The following STRBP variants were observed in gnomAD, a reference collection of about 807,000 sequenced individuals.
STRBP encodes the protein spermatid perinuclear RNA-binding protein.
In STRBP, 13 loss-of-function variants were observed where a neutral mutation model predicts 80.1. That is an observed-to-expected ratio of 0.16 (90% confidence interval 0.11 to 0.26). STRBP has a LOEUF of 0.26. STRBP is among the 10% of genes least tolerant of loss of function. The pLI, the probability that STRBP is intolerant of heterozygous loss-of-function variation, is 1.00. For missense variants in STRBP, 485 were observed against 815.2 expected, an observed-to-expected ratio of 0.59 and a Z score of 4.93; for synonymous variants, 284 against 291.2, an observed-to-expected ratio of 0.98 and a Z score of 0.25.
Position 123,158,072 on chromosome 9 carries a change from C to T in STRBP, c.985G>A (p.Asp329Asn). ...AAAGGCTTACTAGATGGAAGGGGGT[C>T]CATCTCCAGCACTTTGTAAATCTGG... is the stretch of plus-strand genomic sequence containing the variant. ...FGQIYKVLEM[D>N]PLPSSKPFQK... Residue 329 changes from aspartate (D) to asparagine (N), a missense_variant, in exon 11 of 19, where the codon GAC (aspartate) becomes AAC (asparagine). Asp to Asn is a conservative substitution (Grantham distance 23). Coordinates refer to ENST00000348403, the MANE Select transcript of STRBP (RefSeq NM_018387.5). 1 of 1,609,790 alleles carries T rather than the reference C, an allele frequency of 6.2e-7. No homozygotes were observed. The highest frequency in any genetic ancestry group is 8.5e-7 in the Non-Finnish European group (1 of 1,178,634).
At chr9:123,184,978 T>C (rs977138934) in intron 2 of STRBP, among the ~76,000 whole-genome samples, 1 of 152,182 alleles carries the variant, frequency 6.6e-6, no homozygotes, top group Non-Finnish European at 1.5e-5. Context: ...TCCTAATCAT[T>C]GTTACTTATT....
At chr9:123,239,659 G>T (rs1446813877) in intron 1 of STRBP, among the ~76,000 whole-genome samples, 1 of 152,144 alleles carries the variant, frequency 6.6e-6, no homozygotes, top group Non-Finnish European at 1.5e-5. Context: ...CTTATAACAG[G>T]AGCAGAGTAA....
At position 123,218,355 on chromosome 9, in the gene STRBP, CT is replaced by C. The variant is rs10689260; in HGVS notation, c.-165+18474del. ...CAGCTTATTTATACATTAAATATGA[CT>C]TTTTTTTTTTTTTTTTTTTTTTTTG... On this transcript the variant is annotated intron_variant, in intron 2 of 18. Coordinates refer to ENST00000348403, the MANE Select transcript of STRBP (RefSeq NM_018387.5). 7.2e-3 allele frequency among the ~76,000 whole-genome samples: 733 copies of C among 102,424 alleles called. 2 individuals carry two copies. The highest frequency in any genetic ancestry group is 0.019 in the African/African-American group (434 of 22,762). 67.2% of individuals were successfully genotyped at this position (102,424 alleles called of 152,430 possible). A position where few individuals can be genotyped will look rare whatever the true frequency, so the allele number is the denominator to read the frequency against.
At chr9:123,155,392 C>T (rs2037238604) in intron 11 of STRBP, among the ~76,000 whole-genome samples, 1 of 152,066 alleles carries the variant, frequency 6.6e-6, no homozygotes, top group Admixed American at 6.6e-5. Flanking sequence ...GGCTGTTCTC[C>T]AACCATGTTG....
chr9:123,150,347 A>G (rs888147096), intron 11 of STRBP, among the ~76,000 whole-genome samples: 1 of 152,170 alleles, frequency 6.6e-6, no homozygotes, highest in Non-Finnish European at 1.5e-5. Flanking sequence ...GCAATTAGAA[A>G]AACTGGGCAA....
chr9:123,163,061 T>C (rs527910967), intron 6 of STRBP, among the ~76,000 whole-genome samples: 1 of 152,328 alleles, frequency 6.6e-6, no homozygotes, highest in Non-Finnish European at 1.5e-5. Flanking sequence ...TGGAACTTGT[T>C]TTTTAAGATG....
At chr9:123,145,343 A>AT (rs2036768349) in intron 13 of STRBP, among the ~76,000 whole-genome samples, 1 of 152,242 alleles carries the variant, frequency 6.6e-6, no homozygotes, top group African/African-American at 2.4e-5. Flanking sequence ...TCATAAAAAT[A>AT]TATCACTGCA....
At chr9:123,218,145 A>G (rs1209843408) in intron 2 of STRBP, among the ~76,000 whole-genome samples, 1 of 152,160 alleles carries the variant, frequency 6.6e-6, no homozygotes, top group East Asian at 1.9e-4. Context: ...GTCTTATCAC[A>G]GATTTAACTA....
intron 2 of STRBP, among the ~76,000 whole-genome samples, chr9:123,223,555 A>G (rs1434601212): frequency 1.3e-5 from 2 of 152,174 alleles, no homozygotes; most frequent in African/African-American, 4.8e-5. Context: ...TTAAAATAAT[A>G]ATATAGTACC....
chr9:123,249,990 T>C (rs1223253458), intron 1 of STRBP, among the ~76,000 whole-genome samples: 1 of 152,208 alleles, frequency 6.6e-6, no homozygotes. Flanking sequence ...CATAATGTTA[T>C]AAAACCATGT....
At position 123,149,525 on chromosome 9, in the gene STRBP, T is replaced by C. The variant is rs1189132025; in HGVS notation, c.1046-1655A>G. Among the ~76,000 whole-genome samples, 4 of 152,206 alleles carry C rather than the reference T, an allele frequency of 2.6e-5. No homozygotes were observed. The East Asian group carries it at 5.8e-4, about 22-fold the overall frequency. ...CTCCAGCTACATAGAGTTCTATGGA[T>C]TAAGCTTCATTCTATCATAGCAGCC... On this transcript the variant is annotated intron_variant, in intron 11 of 18. Coordinates refer to ENST00000348403, the MANE Select transcript of STRBP (RefSeq NM_018387.5).
At chr9:123,265,361 C>T (rs904310951) in intron 1 of STRBP, among the ~76,000 whole-genome samples, 1 of 152,128 alleles carries the variant, frequency 6.6e-6, no homozygotes, top group African/African-American at 2.4e-5. Context: ...GAAAACTAAT[C>T]AACCCAGAAA....
chr9:123,255,896 T>C (rs947990417), intron 1 of STRBP, among the ~76,000 whole-genome samples: 1 of 152,108 alleles, frequency 6.6e-6, no homozygotes, highest in South Asian at 2.1e-4. Flanking sequence ...TCCCTGCTTA[T>C]ACTGAGGGAA....
downstream of STRBP, among the ~76,000 whole-genome samples, chr9:123,120,520 A>C (rs1159554375): frequency 8.2e-6 from 1 of 121,314 alleles, no homozygotes; most frequent in South Asian, 3.1e-4. Context: ...CGGGGAAAGC[A>C]GGGGGGATCT....
intron 6 of STRBP, 95 bp from the exon 7 acceptor site, chr9:123,161,163 A>AT: frequency 2.0e-6 from 2 of 984,000 alleles, no homozygotes; most frequent in Non-Finnish European, 3.0e-6. Context: ...GAATAACAGC[A>AT]TTTGAGTGAA....
intron 2 of STRBP, among the ~76,000 whole-genome samples, chr9:123,215,852 A>AGG (rs2039879906): frequency 6.6e-6 from 1 of 152,200 alleles, no homozygotes; most frequent in African/African-American, 2.4e-5. Context: ...ACGAACAAGA[A>AGG]GGCCCTCAGC....
At chr9:123,170,167 C>T in intron 5 of STRBP, 121 bp from the exon 6 acceptor site, 17 of 909,122 alleles carry the variant, frequency 1.9e-5, no homozygotes, top group Non-Finnish European at 2.7e-5. Flanking sequence ...GCTCAAAGGG[C>T]AAAGAAAGCC....
intron 4 of STRBP, among the ~76,000 whole-genome samples, chr9:123,177,964 T>C (rs1354710721): frequency 6.6e-6 from 1 of 152,130 alleles, no homozygotes; most frequent in African/African-American, 2.4e-5. Flanking sequence ...ACAGTAACAT[T>C]TGTACAGACA....
chr9:123,194,820 C>T (rs929834791), intron 2 of STRBP, among the ~76,000 whole-genome samples: 11 of 152,104 alleles, frequency 7.2e-5, no homozygotes, highest in East Asian at 5.8e-4. Context: ...ATCTAAGACA[C>T]CACTCTCTTA....
Sources: gnomAD v4.1 joint callset for allele counts (sites outside exome capture counted in the v4.1 genomes callset) on GRCh38, gnomAD v4.1.1 for gene constraint, MANE v1.5 for transcripts, NCBI Gene and HGNC (gene_info 2026-07-23, HGNC 2026-07-21) for gene names.